The following FGF12 variants were observed in gnomAD, a reference collection of about 807,000 sequenced individuals.
The protein encoded by FGF12 is fibroblast growth factor 12B.
In FGF12, 14 loss-of-function variants were observed where a neutral mutation model predicts 23.6. The ratio of observed to expected loss-of-function variants is 0.59; its 90% CI spans 0.39 to 0.93. The LOEUF (loss-of-function observed/expected upper bound fraction) is 0.93. FGF12 is among the 40% of genes least tolerant of loss of function. The pLI, the probability that FGF12 is intolerant of heterozygous loss-of-function variation, is 0.00. For synonymous variants in FGF12, 62 were observed against 77.3 expected (o/e 0.80, Z 1.04); for missense variants, 175 against 217.8 (o/e 0.80, Z 1.24).
In FGF12 at chr3:192,336,408, T is replaced by G. The variant is rs1717419410; in HGVS notation, c.125-944A>C. 6.6e-6 allele frequency among the ~76,000 whole-genome samples: 1 copy of G among 152,046 alleles called. No individual in the cohort carries two copies. The highest frequency in any genetic ancestry group is 1.5e-5 in the Non-Finnish European group (1 of 67,996). ...GAACCTTCTATTTTTCTTCCAACAA[T>G]ATTTTTCTGTCCTTGGGATTATTTC... On this transcript the variant is annotated intron_variant, in intron 3 of 5. Transcript: ENST00000445105. The surrounding 1 kb of genome is among the most constrained non-coding windows in gnomAD (Gnocchi z 4.3).
At chr3:192,456,900 T>A (rs1722698561) in intron 2 of FGF12, among the ~76,000 whole-genome samples, 1 of 152,332 alleles carries the variant, frequency 6.6e-6, no homozygotes, top group Non-Finnish European at 1.5e-5. Context: ...TTTGGCTGTG[T>A]CCCTACCCAA....
chr3:192,542,028 A>ATTTTTTTTT (rs35810428), intron 2 of FGF12, among the ~76,000 whole-genome samples: 2 of 137,688 alleles, frequency 1.5e-5, no homozygotes, highest in Non-Finnish European at 1.6e-5. Context: ...CATGCCTGGC[A>ATTTTTTTTT]TTTTTTTTTT....
chr3:192,290,422 G>A (rs978393649), intron 4 of FGF12, among the ~76,000 whole-genome samples: 8 of 152,076 alleles, frequency 5.3e-5, no homozygotes, highest in African/African-American at 1.7e-4. Context: ...AGATAAAGGC[G>A]TAGGAGCTTT....
intron 2 of FGF12, among the ~76,000 whole-genome samples, chr3:192,642,786 G>C (rs947537212): frequency 6.6e-6 from 1 of 152,174 alleles, no homozygotes; most frequent in South Asian, 2.1e-4. Flanking sequence ...AATCCGTTTT[G>C]ATGGGCCATT....
intron 2 of FGF12, among the ~76,000 whole-genome samples, chr3:192,460,935 G>A (rs1403595120): frequency 2.6e-5 from 4 of 151,982 alleles, no homozygotes; most frequent in Non-Finnish European, 5.9e-5. Context: ...CTAAGTGTTT[G>A]CACCTTTCTT....
At position 192,319,335 on chromosome 3, in the gene FGF12, G is replaced by A. The variant is rs545037296; in HGVS notation, c.228+16026C>T. On this transcript the variant is annotated intron_variant, in intron 4 of 5. Coordinates refer to ENST00000445105, the MANE Select transcript of FGF12 (RefSeq NM_004113.6). ...TACTGGGCTGGGCGCAGTGGCTCAC[G>A]TCTGTAATCCCAGCACTTTGGGAGG... 6.6e-5 allele frequency among the ~76,000 whole-genome samples: 10 copies of A among 152,198 alleles called. No homozygotes were observed. The South Asian group carries it at 1.0e-3, about 16-fold the overall frequency.
chr3:192,684,816 G>T (rs987944593), intron 2 of FGF12, among the ~76,000 whole-genome samples: 8 of 151,996 alleles, frequency 5.3e-5, no homozygotes, highest in Admixed American at 2.6e-4. Context: ...TCATATCATA[G>T]TCTTCATTAC....
chr3:192,671,068 T>C (rs767314619), intron 2 of FGF12, among the ~76,000 whole-genome samples: 8 of 152,164 alleles, frequency 5.3e-5, no homozygotes, highest in Non-Finnish European at 8.8e-5. Context: ...AACTGGAATA[T>C]CGTAAGTACG....
intron 2 of FGF12, among the ~76,000 whole-genome samples, chr3:192,642,989 C>T (rs773166416): frequency 2.6e-5 from 4 of 152,308 alleles, no homozygotes; most frequent in African/African-American, 7.2e-5. Context: ...CTATCAATTA[C>T]GTTTTCTTAC....
chr3:192,417,789 G>C (rs1477964236), intron 2 of FGF12, among the ~76,000 whole-genome samples: 1 of 151,842 alleles, frequency 6.6e-6, no homozygotes, highest in African/African-American at 2.4e-5. Flanking sequence ...AAAACCCTAA[G>C]GTAAACCCAC....
chr3:192,640,544 G>C (rs901117020), intron 2 of FGF12, among the ~76,000 whole-genome samples: 4 of 152,240 alleles, frequency 2.6e-5, no homozygotes, highest in Non-Finnish European at 5.9e-5. Context: ...TCATAGAATG[G>C]TACCTCCGTT....
At chr3:192,712,660 C>T (rs139882079) in intron 2 of FGF12, among the ~76,000 whole-genome samples, 101 of 151,694 alleles carry the variant, frequency 6.7e-4, no homozygotes, top group African/African-American at 2.4e-3. Flanking sequence ...CCTAACCACA[C>T]GATTGTTCAA....
chr3:192,221,009 G>A (rs1718444498), intron 4 of FGF12, among the ~76,000 whole-genome samples: 1 of 152,176 alleles, frequency 6.6e-6, no homozygotes, highest in Non-Finnish European at 1.5e-5. Context: ...ACAAAGAGGT[G>A]AGTTAATGTA....
At chr3:192,331,063 C>T (rs1034221342) in intron 4 of FGF12, among the ~76,000 whole-genome samples, 3 of 152,020 alleles carry the variant, frequency 2.0e-5, no homozygotes, top group African/African-American at 7.2e-5. Flanking sequence ...ATTGAATAGA[C>T]ATGTCACCAA....
intron 2 of FGF12, among the ~76,000 whole-genome samples, chr3:192,653,872 G>C (rs1247316916): frequency 6.6e-6 from 1 of 152,050 alleles, no homozygotes; most frequent in Non-Finnish European, 1.5e-5. Flanking sequence ...AAGCCACCAT[G>C]CATGGCTAAT....
chr3:192,161,505 TACAC>T (rs10543146), intron 5 of FGF12, among the ~76,000 whole-genome samples: 60,221 of 149,564 alleles, frequency 0.4, 13,652 homozygotes, highest in Non-Finnish European at 0.52. Flanking sequence ...AACGCCTATT[TACAC>T]ACACACACAC....
At chr3:192,255,788 T>G (rs1338409500) in intron 4 of FGF12, among the ~76,000 whole-genome samples, 1 of 152,106 alleles carries the variant, frequency 6.6e-6, no homozygotes, top group African/African-American at 2.4e-5. Flanking sequence ...AACGTAGCCA[T>G]GCACATACAT....
At chr3:192,661,782 G>A (rs1431264257) in intron 2 of FGF12, among the ~76,000 whole-genome samples, 4 of 152,162 alleles carry the variant, frequency 2.6e-5, no homozygotes, top group African/African-American at 9.7e-5. Context: ...TAAAATGACT[G>A]ACATGTTAAG....
At chr3:192,241,432 A>T (rs555299075) in intron 4 of FGF12, among the ~76,000 whole-genome samples, 13 of 152,176 alleles carry the variant, frequency 8.5e-5, no homozygotes, top group Non-Finnish European at 1.9e-4. Context: ...CACTACAAAG[A>T]TTATGTAATT....
Sources: gnomAD v4.1 joint callset for allele counts (sites outside exome capture counted in the v4.1 genomes callset) on GRCh38, gnomAD v4.1.1 for gene constraint, Gnocchi (gnomAD v3.1) non-coding constraint, MANE v1.5 for transcripts, NCBI Gene and HGNC (gene_info 2026-07-23, HGNC 2026-07-21) for gene names.